NAALADL2: variants seen among roughly 807,000 people sequenced by gnomAD.
NAALADL2 encodes N-acetylated alpha-linked acidic dipeptidase like 2.
Under a neutral mutation model 87.2 loss-of-function variants are expected in NAALADL2, and 76 were observed. The observed-to-expected ratio is 0.87, with a 90% CI of 0.72 to 1.05. The LOEUF (loss-of-function observed/expected upper bound fraction) is 1.05. Ranked by LOEUF, NAALADL2 falls within the 50% of genes least tolerant of loss-of-function variation. The pLI is 0.00. For missense variants in NAALADL2, 1,089 were observed against 945.8 expected (o/e 1.15, Z -1.99); for synonymous variants, 354 against 331.0 (o/e 1.07, Z -0.75).
At chr3:174,867,407 G>A (rs553656999) in intron 1 of NAALADL2, among the ~76,000 whole-genome samples, 171 of 152,024 alleles carry the variant, frequency 1.1e-3, no homozygotes, top group African/African-American at 4.0e-3. Flanking sequence ...CTGTCTTAAT[G>A]TGTGATTTTT....
intron 2 of NAALADL2, among the ~76,000 whole-genome samples, chr3:175,200,594 A>G (rs1447600007): frequency 6.6e-6 from 1 of 152,174 alleles, no homozygotes; most frequent in African/African-American, 2.4e-5. Flanking sequence ...CCTCCCAGTA[A>G]TGGGGGCCAG....
intron 1 of NAALADL2, among the ~76,000 whole-genome samples, chr3:175,045,428 G>A (rs1296250837): frequency 6.6e-6 from 1 of 152,024 alleles, no homozygotes; most frequent in Non-Finnish European, 1.5e-5. Flanking sequence ...AAAATATGGG[G>A]AGATTTCCTT....
rs1329148677 is a variant in NAALADL2, at chr3:175,097,218, G to A, written c.472G>A (p.Gly158Arg). ...TTGCCCTTCAGATGCTCCATCTTCA[G>A]GAACAGTTGATCCTCAGTTATATCA... The part of the protein sequence containing the change: ...TNCPSDAPSS[G>R]TVDPQLYQEI... Residue 158 changes from glycine to arginine, a missense_variant, in exon 2 of 14, where the codon GGA becomes AGA. Gly to Arg is a moderately radical substitution (Grantham distance 125). Coordinates refer to ENST00000454872, the MANE Select transcript of NAALADL2 (RefSeq NM_207015.3). 2 of 1,613,266 alleles carry A rather than the reference G, an allele frequency of 1.2e-6. No homozygotes were observed. Among genetic ancestry groups the A allele is most frequent in the South Asian group, 2.2e-5 (2 of 91,070 alleles).
At chr3:175,059,846 G>C (rs1415585174) in intron 1 of NAALADL2, 5 of 314,958 alleles carry the variant, frequency 1.6e-5, no homozygotes, top group Non-Finnish European at 3.2e-5. Flanking sequence ...TTCTTTTCAT[G>C]AGAATTGATG....
chr3:175,324,336 T>C lies in NAALADL2; in HGVS notation c.1090+11T>C. 1.9e-6 allele frequency: 3 copies of C among 1,607,452 alleles called. No homozygotes were observed. Among genetic ancestry groups the C allele is most frequent in the Non-Finnish European group, 2.5e-6 (3 of 1,177,394 alleles). ...GTTACCCAAGTGTCGGTAAGTTTGT[T>C]GGTCATCATTATTATACTTGTAAGT... On this transcript the variant is annotated intron_variant, in intron 5 of 13. Transcript: ENST00000454872.
At chr3:175,597,951 T>G (rs767299526) in intron 10 of NAALADL2, among the ~76,000 whole-genome samples, 3 of 152,034 alleles carry the variant, frequency 2.0e-5, no homozygotes, top group Non-Finnish European at 4.4e-5. Flanking sequence ...ATGAACATTA[T>G]CTCTATTCTC....
chr3:175,754,709 G>C (rs1223201379), intron 12 of NAALADL2, among the ~76,000 whole-genome samples: 1 of 152,160 alleles, frequency 6.6e-6, no homozygotes, highest in Non-Finnish European at 1.5e-5. Flanking sequence ...TTTTGAGTCA[G>C]AAAGATCAAA....
At chr3:175,097,404 A>C in intron 2 of NAALADL2, 113 bp downstream of exon 2, 1 of 928,666 alleles carries the variant, frequency 1.1e-6, no homozygotes, top group Non-Finnish European at 1.6e-6. Flanking sequence ...CAAGCTGAGA[A>C]ACATATCACC....
chr3:174,930,809 A>G (rs367939446), intron 1 of NAALADL2, among the ~76,000 whole-genome samples: 1 of 151,260 alleles, frequency 6.6e-6, no homozygotes, highest in Non-Finnish European at 1.5e-5. Context: ...TTTTTATTAG[A>G]GACGGGGTTT....
At chr3:175,242,096 G>A (rs1312275521) in intron 3 of NAALADL2, among the ~76,000 whole-genome samples, 4 of 151,564 alleles carry the variant, frequency 2.6e-5, no homozygotes, top group East Asian at 1.9e-4. Flanking sequence ...TCCTGACCTC[G>A]TGATCCGCCC....
rs1038340746 is a variant in NAALADL2, at chr3:175,501,370, C to A, written c.1653+29612C>A. 2.6e-5 allele frequency among the ~76,000 whole-genome samples: 4 copies of A among 151,156 alleles called. No individual in the cohort carries two copies. In the Admixed American group the frequency reaches 2.7e-4, roughly 10 times the overall value. ...TCCTGCCACCTCCACAATTATATTA[C>A]CCTGGAGGTTAAAAGATTGTTATCA... On this transcript the variant is annotated intron_variant, in intron 9 of 13. Transcript: ENST00000454872.
At chr3:175,343,655 G>GGTTTTTTTTTTTTTTTT (rs1762797054) in intron 5 of NAALADL2, among the ~76,000 whole-genome samples, 1 of 64,726 alleles carries the variant, frequency 1.5e-5, no homozygotes, top group Non-Finnish European at 3.3e-5. Flanking sequence ...TCTTGATCAT[G>GGTTTTTTTTTTTTTTTT]TTTTTTTTTT....
intron 13 of NAALADL2, among the ~76,000 whole-genome samples, chr3:175,786,123 T>A (rs1210811367): frequency 6.6e-6 from 1 of 152,048 alleles, no homozygotes; most frequent in East Asian, 1.9e-4. Context: ...TCTCTCTGGC[T>A]GCCCTTAACA....
chr3:175,108,787 T>C (rs1723687598), intron 2 of NAALADL2, among the ~76,000 whole-genome samples: 3 of 151,994 alleles, frequency 2.0e-5, no homozygotes, highest in African/African-American at 7.2e-5. Flanking sequence ...AAAATATGCC[T>C]TGCTATTTCA....
intron 3 of NAALADL2, among the ~76,000 whole-genome samples, chr3:174,785,513 G>C (rs1326851520): frequency 1.3e-5 from 2 of 151,956 alleles, no homozygotes; most frequent in African/African-American, 4.8e-5. Flanking sequence ...GTCTGTTTTT[G>C]TACCATTACC....
At chr3:175,314,407 C>T (rs908654109) in intron 4 of NAALADL2, among the ~76,000 whole-genome samples, 2 of 151,040 alleles carry the variant, frequency 1.3e-5, no homozygotes, top group African/African-American at 2.4e-5. Context: ...TTCATCTCTA[C>T]TCTTAGATAA....
intron 2 of NAALADL2, among the ~76,000 whole-genome samples, chr3:175,151,813 A>G (rs1039008299): frequency 2.0e-5 from 3 of 152,220 alleles, no homozygotes; most frequent in African/African-American, 7.2e-5. Context: ...AACAATAAAA[A>G]GAATAAATCA....
chr3:174,608,893 A>G (rs1180028719), intron 2 of NAALADL2, among the ~76,000 whole-genome samples: 1 of 152,038 alleles, frequency 6.6e-6, no homozygotes, highest in Non-Finnish European at 1.5e-5. Flanking sequence ...TCCTTGATGA[A>G]CATTGATGCA....
chr3:175,007,857 A>G (rs1222215585), intron 1 of NAALADL2, among the ~76,000 whole-genome samples: 2 of 152,164 alleles, frequency 1.3e-5, no homozygotes, highest in African/African-American at 4.8e-5. Context: ...CATCGTCACT[A>G]CTGTTATGCT....
Sources: gnomAD v4.1 joint callset for allele counts (sites outside exome capture counted in the v4.1 genomes callset) on GRCh38, gnomAD v4.1.1 for gene constraint, MANE v1.5 for transcripts, NCBI Gene and HGNC (gene_info 2026-07-23, HGNC 2026-07-21) for gene names.